The following DENND5B variants were observed in gnomAD, a reference collection of about 807,000 sequenced individuals.
DENND5B encodes the protein DENN domain containing 5B.
DENND5B carries 34 observed loss-of-function variants against 140.6 expected under a neutral mutation model. That is an observed-to-expected ratio of 0.24 (90% confidence interval 0.18 to 0.32). The LOEUF (loss-of-function observed/expected upper bound fraction) is 0.32. Among genes scored for constraint, DENND5B ranks in the 10% least tolerant of loss-of-function variants. The pLI, the probability that DENND5B is intolerant of heterozygous loss-of-function variation, is 1.00. For synonymous variants in DENND5B, 551 were observed against 562.1 expected, an observed-to-expected ratio of 0.98 and a Z score of 0.28; for missense variants, 1,142 against 1,560.2, an observed-to-expected ratio of 0.73 and a Z score of 4.52.
At chr12:31,506,149 G>GT in intron 1 of DENND5B, among the ~76,000 whole-genome samples, 1 of 152,212 alleles carries the variant, frequency 6.6e-6, no homozygotes, top group East Asian at 1.9e-4. Context: ...TAAGATTTTA[G>GT]TAAGAGTACA....
At chr12:31,423,566 T>A (rs201659318) in intron 11 of DENND5B, 31 bp downstream of exon 11, 129 of 1,608,420 alleles carry the variant, frequency 8.0e-5, no homozygotes, top group Admixed American at 2.5e-4. Context: ...CAGAGTCCAG[T>A]GCTGCTAGTT....
intron 12 of DENND5B, among the ~76,000 whole-genome samples, chr12:31,414,038 T>C (rs1407914236): frequency 6.6e-6 from 1 of 152,240 alleles, no homozygotes; most frequent in African/African-American, 2.4e-5. Flanking sequence ...GAAATCTTAC[T>C]TTCTATGGCA....
In DENND5B at chr12:31,452,375, C is replaced by T. The variant is rs969868049; in HGVS notation, c.1194G>A (p.Glu398=). The T allele has an allele frequency of 2.3e-5, 37 of 1,613,930 alleles. No homozygotes were observed. Among genetic ancestry groups the T allele is most frequent in the Non-Finnish European group, 3.1e-5 (37 of 1,179,870 alleles). The change falls in exon 5 of 21, where the codon GAG becomes GAA. Residue 398 remains glutamate, a synonymous_variant. Transcript: ENST00000389082. ...GAGGGATCCCAAATTGAACAAGAAC[C>T]TCAGAGAGTTCTTGGATAAAATCCA... The part of the protein sequence containing the change: ...NKVDFIQELS[E]VLVQFGIPPE...
intron 8 of DENND5B, chr12:31,432,211 A>C: frequency 1.4e-6 from 1 of 711,180 alleles, no homozygotes; most frequent in Non-Finnish European, 1.7e-6. Flanking sequence ...GATAGGGAGA[A>C]AGAGACAAGC....
intron 1 of DENND5B, among the ~76,000 whole-genome samples, chr12:31,533,768 A>G (rs1948382729): frequency 1.3e-5 from 2 of 152,218 alleles, no homozygotes; most frequent in South Asian, 4.1e-4. Flanking sequence ...GACTATCCAC[A>G]GAATTGTGTG....
At chr12:31,530,524 C>T (rs1263363072) in intron 1 of DENND5B, among the ~76,000 whole-genome samples, 1 of 152,050 alleles carries the variant, frequency 6.6e-6, no homozygotes, top group East Asian at 1.9e-4. Context: ...TCCATTATTC[C>T]AACATAGTTT....
chr12:31,579,712 G>A (rs1950147309), intron 1 of DENND5B, among the ~76,000 whole-genome samples: 1 of 108,908 alleles, frequency 9.2e-6, no homozygotes, highest in African/African-American at 3.4e-5. Context: ...GAGAGAAAGA[G>A]TGAGAGAAAG....
At position 31,550,982 on chromosome 12, in the gene DENND5B, G is replaced by C. The variant is rs1261551970; in HGVS notation, c.127+39724C>G. Among the ~76,000 whole-genome samples, 3 of 152,114 alleles carry C rather than the reference G, an allele frequency of 2.0e-5. No individual in the cohort carries two copies. The East Asian group carries it at 5.8e-4, about 29-fold the overall frequency. ...TATTAGCCCTTTGTCAGATGAGTAG[G>C]TTGCAAAAATTTTCTCCCATTTTGT... On this transcript the variant is annotated intron_variant, in intron 1 of 20. Transcript: ENST00000389082.
intron 3 of DENND5B, among the ~76,000 whole-genome samples, chr12:31,463,131 T>C (rs539301038): frequency 6.6e-6 from 1 of 151,902 alleles, no homozygotes; most frequent in African/African-American, 2.4e-5. Flanking sequence ...TAGTGGCACA[T>C]GCCTGTAATC....
intron 1 of DENND5B, among the ~76,000 whole-genome samples, chr12:31,504,189 T>A (rs1947109985): frequency 6.6e-6 from 1 of 152,216 alleles, no homozygotes; most frequent in Non-Finnish European, 1.5e-5. Context: ...GGACATATAT[T>A]TAAACAGATA....
intron 1 of DENND5B, among the ~76,000 whole-genome samples, chr12:31,555,059 G>T (rs994630475): frequency 1.3e-5 from 2 of 152,030 alleles, no homozygotes; most frequent in Admixed American, 6.6e-5. Flanking sequence ...CTCTCAACTC[G>T]TCAGTCATTC....
chr12:31,542,451 C>T (rs1420374833), intron 1 of DENND5B, among the ~76,000 whole-genome samples: 1 of 152,034 alleles, frequency 6.6e-6, no homozygotes, highest in East Asian at 1.9e-4. Flanking sequence ...GCTAGCACAA[C>T]AGGGTGACTA....
At chr12:31,539,228 T>A (rs1263232234) in intron 1 of DENND5B, among the ~76,000 whole-genome samples, 2 of 151,742 alleles carry the variant, frequency 1.3e-5, no homozygotes, top group Non-Finnish European at 2.9e-5. Flanking sequence ...AGCAACAACA[T>A]CAAAGCCATA....
At chr12:31,494,191 TCCATCCATCCAC>T (rs1326475693) in intron 2 of DENND5B, among the ~76,000 whole-genome samples, 56 of 91,842 alleles carry the variant, frequency 6.1e-4, no homozygotes, top group Admixed American at 2.0e-3. Flanking sequence ...TATCCATCCA[TCCATCCATCCAC>T]CTACCTACCT....
intron 1 of DENND5B, among the ~76,000 whole-genome samples, chr12:31,542,244 C>T (rs994100280): frequency 4.0e-5 from 6 of 149,628 alleles, no homozygotes; most frequent in African/African-American, 1.5e-4. Context: ...GCCGAGATCG[C>T]ACCACTGCAC....
chr12:31,392,447 A>G (rs792874), intron 18 of DENND5B, 54 bp from the exon 19 acceptor site: 1,551,340 of 1,598,282 alleles, frequency 0.97, 754,223 homozygotes, highest in East Asian at 0.99. Flanking sequence ...CTATGTCTAA[A>G]AAAAACACTA....
At chr12:31,441,976 C>G (rs774631451) in intron 7 of DENND5B, among the ~76,000 whole-genome samples, 2 of 152,192 alleles carry the variant, frequency 1.3e-5, no homozygotes, top group Admixed American at 1.3e-4. Flanking sequence ...AGCCACCATG[C>G]CTGGCCACAA....
chr12:31,441,695 A>G (rs941633723), intron 7 of DENND5B, among the ~76,000 whole-genome samples: 4 of 151,854 alleles, frequency 2.6e-5, no homozygotes, highest in Non-Finnish European at 5.9e-5. Context: ...ATTCTTTTTA[A>G]TACTATTTTT....
intron 11 of DENND5B, among the ~76,000 whole-genome samples, chr12:31,422,495 G>C (rs1943075098): frequency 6.6e-6 from 1 of 151,974 alleles, no homozygotes; most frequent in Non-Finnish European, 1.5e-5. Context: ...CAGCTACTCA[G>C]GAGGCTGAGG....
Sources: allele counts gnomAD v4.1 joint callset (sites outside exome capture counted in the v4.1 genomes callset), GRCh38; gene constraint gnomAD v4.1.1; transcripts MANE v1.5; gene names NCBI Gene and HGNC (gene_info 2026-07-23, HGNC 2026-07-21).